PSD3: variants seen among roughly 807,000 people sequenced by gnomAD.
PSD3 encodes pleckstrin and Sec7 domain containing 3.
Under a neutral mutation model 105.5 loss-of-function variants are expected in PSD3, and 49 were observed. The observed-to-expected ratio is 0.46, with a 90% CI of 0.37 to 0.59. The LOEUF (loss-of-function observed/expected upper bound fraction) is 0.59. PSD3 is among the 20% of genes least tolerant of loss of function. The pLI, the probability that PSD3 is intolerant of heterozygous loss-of-function variation, is 0.00. For missense variants in PSD3, 1,561 were observed against 1,263.8 expected, an observed-to-expected ratio of 1.24 and a Z score of -3.57; for synonymous variants, 557 against 457.8, an observed-to-expected ratio of 1.22 and a Z score of -2.77.
intron 9 of PSD3, among the ~76,000 whole-genome samples, chr8:18,715,290 C>G (rs1802512392): frequency 6.6e-6 from 1 of 152,152 alleles, no homozygotes; most frequent in African/African-American, 2.4e-5. Context: ...AAAAAACATG[C>G]TAGTCACAAA....
intron 10 of PSD3, among the ~76,000 whole-genome samples, chr8:18,655,430 G>T (rs1241563344): frequency 6.6e-6 from 1 of 151,968 alleles, no homozygotes; most frequent in Non-Finnish European, 1.5e-5. Context: ...AAAACCACAG[G>T]ATACTCTGGG....
chr8:18,572,706 T>C (rs1339220715), intron 13 of PSD3, 34 bp from the exon 14 acceptor site: 1 of 1,604,646 alleles, frequency 6.2e-7, no homozygotes, highest in Non-Finnish European at 8.5e-7. Context: ...ATCAGGATAT[T>C]GCCATGTCTA....
intron 8 of PSD3, among the ~76,000 whole-genome samples, chr8:18,791,076 G>A (rs1809677567): frequency 6.6e-6 from 1 of 152,162 alleles, no homozygotes; most frequent in South Asian, 2.1e-4. Context: ...AATCAGAGAT[G>A]ACACTAACAA....
At chr8:18,645,058 A>G (rs569157743) in intron 10 of PSD3, among the ~76,000 whole-genome samples, 20 of 152,310 alleles carry the variant, frequency 1.3e-4, no homozygotes, top group African/African-American at 4.1e-4. Flanking sequence ...TTTTAAAACA[A>G]AACTACTCTC....
rs545856152 is a variant in PSD3, at chr8:18,685,669, T to C, written c.2173-29984A>G. Among the ~76,000 whole-genome samples the C allele has an allele frequency of 2.0e-5, 3 of 152,270 alleles. No individual in the cohort carries two copies. In the East Asian group the frequency reaches 5.8e-4, roughly 29 times the overall value. Reference sequence around the variant, plus strand: ...AGAAAAATTCTGTAAAGTTACTATTTTACAAAGCATATTCCAAAGACATAA... The same window carrying C: ...AGAAAAATTCTGTAAAGTTACTATTCTACAAAGCATATTCCAAAGACATAA... On this transcript the variant is annotated intron_variant, in intron 9 of 15. Transcript: ENST00000327040.
chr8:18,630,874 A>G lies in PSD3; in HGVS notation c.2410+1739T>C, dbSNP rs1806847955. On this transcript the variant is annotated intron_variant, in intron 11 of 15. Coordinates refer to ENST00000327040, the MANE Select transcript of PSD3 (RefSeq NM_015310.4). The stretch of plus-strand genomic sequence containing the variant: ...TATTTACACAGTATTAGATATTATA[A>G]GTAATCCAGAGACAGTTTAAAGTAT... 2.0e-5 allele frequency among the ~76,000 whole-genome samples: 3 copies of G among 151,746 alleles called. No individual in the cohort carries two copies. In the South Asian group the frequency reaches 6.2e-4, roughly 31 times the overall value.
chr8:18,765,615 A>G, intron 8 of PSD3, 77 bp from the exon 9 acceptor site: 1 of 1,235,754 alleles, frequency 8.1e-7, no homozygotes, highest in South Asian at 1.2e-5. Context: ...GATGAGGCAG[A>G]CCAATAATTT....
At chr8:19,014,853 T>G (rs1410939146), upstream of PSD3, among the ~76,000 whole-genome samples, 2 of 152,218 alleles carry the variant, frequency 1.3e-5, no homozygotes, top group Non-Finnish European at 2.9e-5. This position sits in a 1 kb window ranked among gnomAD's most constrained non-coding sequence, Gnocchi z 4.9. Context: ...CTGCCCCATC[T>G]GCATCTATCA....
At chr8:18,587,115 T>A (rs145623281) in intron 12 of PSD3, among the ~76,000 whole-genome samples, 4 of 152,234 alleles carry the variant, frequency 2.6e-5, no homozygotes, top group Non-Finnish European at 5.9e-5. Context: ...GGAGAGACAT[T>A]TCTGCTATAC....
chr8:18,675,314 G>C (rs1447121357), intron 9 of PSD3, among the ~76,000 whole-genome samples: 2 of 152,180 alleles, frequency 1.3e-5, no homozygotes, highest in African/African-American at 4.8e-5. Context: ...TTTCTGAGTA[G>C]TAGAGCTGAC....
chr8:18,702,031 C>A (rs7016403), intron 9 of PSD3, among the ~76,000 whole-genome samples: 13,969 of 152,162 alleles, frequency 0.092, 1,777 homozygotes, highest in African/African-American at 0.29. Flanking sequence ...AGAGTGCATT[C>A]GTTTCAGCAT....
chr8:18,570,717 A>G (rs1802075605), intron 14 of PSD3, among the ~76,000 whole-genome samples: 1 of 151,158 alleles, frequency 6.6e-6, no homozygotes, highest in African/African-American at 2.4e-5. Context: ...AAAACACATG[A>G]AAAAATGCTC....
At chr8:18,889,545 C>T (rs1818653372) in intron 2 of PSD3, among the ~76,000 whole-genome samples, 1 of 152,164 alleles carries the variant, frequency 6.6e-6, no homozygotes, top group African/African-American at 2.4e-5. Context: ...TAAACTTACC[C>T]AGCTTGGCTA....
chr8:18,860,883 T>C (rs977397363), intron 4 of PSD3, among the ~76,000 whole-genome samples: 4 of 152,216 alleles, frequency 2.6e-5, no homozygotes, highest in East Asian at 1.9e-4. Context: ...TAATCACTTA[T>C]ACCTCCAATG....
intron 15 of PSD3, among the ~76,000 whole-genome samples, chr8:18,544,316 G>T (rs1043774785): frequency 1.8e-4 from 27 of 151,984 alleles, no homozygotes; most frequent in African/African-American, 6.5e-4. Flanking sequence ...CCTTGACCAG[G>T]TGGCCCACCC....
At chr8:18,807,376 A>C (rs894428943) in intron 4 of PSD3, among the ~76,000 whole-genome samples, 2 of 152,160 alleles carry the variant, frequency 1.3e-5, no homozygotes, top group East Asian at 3.9e-4. Flanking sequence ...AGCACACTTT[A>C]TCGGCAAGCA....
intron 2 of PSD3, among the ~76,000 whole-genome samples, chr8:18,881,068 TCAGA>T (rs1455118781): frequency 1.3e-5 from 2 of 152,248 alleles, no homozygotes; most frequent in African/African-American, 4.8e-5. Context: ...TACTTTTCTA[TCAGA>T]GACTTTATCT....
intron 1 of PSD3, among the ~76,000 whole-genome samples, chr8:19,040,006 G>T (rs1828067761): frequency 6.6e-6 from 1 of 152,138 alleles, no homozygotes; most frequent in Non-Finnish European, 1.5e-5. Context: ...TAGTTAGGAT[G>T]GTGTAAGGAG....
intron 8 of PSD3, among the ~76,000 whole-genome samples, chr8:18,770,870 C>A: frequency 6.6e-6 from 1 of 152,186 alleles, no homozygotes; most frequent in East Asian, 1.9e-4. Context: ...TCTTTACCAG[C>A]ATCCAGGAGA....
Sources: gnomAD v4.1 joint callset for allele counts (sites outside exome capture counted in the v4.1 genomes callset) on GRCh38, gnomAD v4.1.1 for gene constraint, Gnocchi (gnomAD v3.1) non-coding constraint, MANE v1.5 for transcripts, NCBI Gene and HGNC (gene_info 2026-07-23, HGNC 2026-07-21) for gene names.